Variants in CFAP20DC observed in about 807,000 individuals in gnomAD.
The protein encoded by CFAP20DC is CFAP20 domain containing, also known as protein CFAP20DC.
CFAP20DC carries 84 observed loss-of-function variants against 101.7 expected under a neutral mutation model. That is an observed-to-expected ratio of 0.83 (90% confidence interval 0.69 to 0.99). CFAP20DC has a LOEUF of 0.99. Ranked by LOEUF, CFAP20DC falls within the 50% of genes least tolerant of loss-of-function variation. The probability of loss-of-function intolerance (pLI) is 0.00; values close to 1 mark genes in which losing one functional copy is unlikely to be tolerated. For synonymous variants in CFAP20DC, 359 were observed against 351.2 expected, an observed-to-expected ratio of 1.02 and a Z score of -0.25; for missense variants, 1,007 against 970.3, an observed-to-expected ratio of 1.04 and a Z score of -0.50.
intron 4 of CFAP20DC, among the ~76,000 whole-genome samples, chr3:59,029,236 G>C (rs2093946106): frequency 6.6e-6 from 1 of 152,068 alleles, no homozygotes; most frequent in Non-Finnish European, 1.5e-5. Flanking sequence ...GGGATATCAA[G>C]CTGAATAGAA....
chr3:58,942,800 A>G (rs930601531), intron 4 of CFAP20DC, among the ~76,000 whole-genome samples: 2 of 152,186 alleles, frequency 1.3e-5, no homozygotes, highest in Admixed American at 6.5e-5. Context: ...ACCCCCATGG[A>G]GGCCAGCAAG....
chr3:58,852,276 T>A (rs959529477), intron 12 of CFAP20DC, among the ~76,000 whole-genome samples: 4 of 152,044 alleles, frequency 2.6e-5, no homozygotes, highest in African/African-American at 9.7e-5. Context: ...CAGGTGATAG[T>A]TAGAAGAGCT....
chr3:58,907,885 T>A (rs1559803850), intron 6 of CFAP20DC, among the ~76,000 whole-genome samples: 1 of 152,188 alleles, frequency 6.6e-6, no homozygotes, highest in East Asian at 1.9e-4. Context: ...CCTTGAACCA[T>A]AGTGTGCTTC....
intron 13 of CFAP20DC, among the ~76,000 whole-genome samples, chr3:58,846,045 A>G (rs2077608037): frequency 6.7e-6 from 1 of 149,504 alleles, no homozygotes; most frequent in African/African-American, 2.5e-5. Flanking sequence ...TGACAAACCC[A>G]CAGCCAATAT....
intron 3 of CFAP20DC, chr3:58,734,393 T>C: frequency 2.7e-6 from 1 of 364,916 alleles, no homozygotes; most frequent in South Asian, 2.1e-5. Flanking sequence ...TCACCAGAGT[T>C]CCAAACCTGA....
intron 4 of CFAP20DC, among the ~76,000 whole-genome samples, chr3:59,016,678 A>G (rs1357656999): frequency 6.6e-6 from 1 of 152,106 alleles, no homozygotes; most frequent in East Asian, 1.9e-4. Context: ...TTAACTAAAA[A>G]GGTTTAAAAA....
rs763322643 is a variant in CFAP20DC at position 59,039,562 on chromosome 3, T to G, written c.273A>C (p.Glu91Asp). The G allele has an allele frequency of 2.6e-6, 4 of 1,515,912 alleles. No homozygotes were observed. The South Asian group carries it at 4.8e-5, about 18-fold the overall frequency. The allele number at this position is 1,515,912 out of a possible 1,614,324, so 93.9% of individuals were successfully genotyped here. The change falls in exon 4 of 17, where the codon GAA becomes GAC. Residue 91 changes from glutamate (E) to aspartate (D), a missense_variant. Glu to Asp is a conservative substitution (Grantham distance 45). Coordinates refer to ENST00000482387, the MANE Select transcript of CFAP20DC (RefSeq NM_001394063.1). ...AGAAGTTCTGTATATCTTACAGCAA[T>G]TCAGTGGAGAAGTCTTGTCCCAGGG... is the stretch of plus-strand genomic sequence containing the variant. Reference protein sequence around the residue: ...YVPLGQDFSTELLITDLGNIK... With the variant: ...YVPLGQDFSTDLLITDLGNIK...
At chr3:58,763,286 T>G (rs1317733819) in intron 15 of CFAP20DC, among the ~76,000 whole-genome samples, 1 of 152,238 alleles carries the variant, frequency 6.6e-6, no homozygotes, top group Non-Finnish European at 1.5e-5. Context: ...ATTTCATTCA[T>G]TTGATCTTCC....
chr3:59,040,355 A>G (rs1699251525), intron 3 of CFAP20DC, among the ~76,000 whole-genome samples: 2 of 152,044 alleles, frequency 1.3e-5, no homozygotes, highest in Admixed American at 1.3e-4. Context: ...AATTGATTTT[A>G]TATTACCTCT....
At chr3:58,745,394 TGAG>T (rs2068121700) in intron 16 of CFAP20DC, among the ~76,000 whole-genome samples, 1 of 152,160 alleles carries the variant, frequency 6.6e-6, no homozygotes, top group Admixed American at 6.6e-5. Context: ...TAAAGATTAA[TGAG>T]GAGTTAAACT....
At position 58,820,189 on chromosome 3, in the gene CFAP20DC, C is replaced by G. The variant is rs1162546040; in HGVS notation, c.2175+11497G>C. ...TGACAAACCCACAGCCAATATCATACTGAATGGGAAAAAACTGGAAGCATT... is the reference window on the plus strand; with the variant it reads ...TGACAAACCCACAGCCAATATCATAGTGAATGGGAAAAAACTGGAAGCATT... On this transcript the variant is annotated intron_variant, in intron 14 of 16. Transcript: ENST00000482387. Among the ~76,000 whole-genome samples the G allele has an allele frequency of 4.6e-5, 7 of 151,532 alleles. No homozygotes were observed. In the East Asian group the frequency reaches 7.8e-4, roughly 17 times the overall value.
intron 13 of CFAP20DC, among the ~76,000 whole-genome samples, chr3:58,834,880 A>T (rs2076633808): frequency 6.6e-6 from 1 of 152,194 alleles, no homozygotes; most frequent in Non-Finnish European, 1.5e-5. Flanking sequence ...ACATTTTAAA[A>T]TAGTATGTAG....
At chr3:58,765,490 C>CAAAAAAAAAAAAAAAAAAA (rs1337049385) in intron 15 of CFAP20DC, among the ~76,000 whole-genome samples, 19 of 81,708 alleles carry the variant, frequency 2.3e-4, no homozygotes, top group Non-Finnish European at 3.5e-4. Context: ...AAAAAAAAAC[C>CAAAAAAAAAAAAAAAAAAA]AAAAAAAAAA....
At chr3:58,944,557 A>G (rs2089082719) in intron 4 of CFAP20DC, among the ~76,000 whole-genome samples, 1 of 152,220 alleles carries the variant, frequency 6.6e-6, no homozygotes, top group African/African-American at 2.4e-5. Context: ...CTGTTTACCA[A>G]GAGACTAGTA....
chr3:58,821,480 C>T (rs1395527143), intron 14 of CFAP20DC, among the ~76,000 whole-genome samples: 57 of 152,012 alleles, frequency 3.7e-4, no homozygotes, highest in East Asian at 5.8e-4. Context: ...AAAAAGTGGG[C>T]AAAGGACATG....
At position 58,912,787 on chromosome 3, in the gene CFAP20DC, A is replaced by G. The variant is rs139482495; in HGVS notation, c.550+921T>C. The G allele has an allele frequency of 7.6e-4, 343 of 451,284 alleles. 4 individuals are homozygous for G. In the East Asian group the frequency reaches 0.016, roughly 21 times the overall value. 28.0% of individuals were successfully genotyped at this position (451,284 alleles called of 1,614,324 possible). A position where few individuals can be genotyped will look rare whatever the true frequency, so the allele number is the denominator to read the frequency against. On this transcript the variant is annotated intron_variant, in intron 6 of 16. Transcript: ENST00000482387. This position sits in a 1 kb window ranked among gnomAD's most constrained non-coding sequence, Gnocchi z 4.4. ...ATCAAATTATGAACAATTAATGTAA[A>G]TATTTCTAGTCTCTCTAGAAATATG...
At chr3:59,020,894 G>A (rs1238779009) in intron 4 of CFAP20DC, among the ~76,000 whole-genome samples, 1 of 152,066 alleles carries the variant, frequency 6.6e-6, no homozygotes, top group East Asian at 1.9e-4. Flanking sequence ...CATCCTACCT[G>A]TAGCTCTCAG....
intron 5 of CFAP20DC, among the ~76,000 whole-genome samples, chr3:58,931,695 G>A (rs892939591): frequency 1.9e-4 from 28 of 151,306 alleles, no homozygotes; most frequent in Admixed American, 9.9e-4. Flanking sequence ...AAACTCCAAC[G>A]GACCTGCAGC....
intron 14 of CFAP20DC, among the ~76,000 whole-genome samples, chr3:58,821,315 G>GCTT (rs2075625372): frequency 6.6e-6 from 1 of 152,082 alleles, no homozygotes; most frequent in African/African-American, 2.4e-5. Context: ...AAACTAAAGA[G>GCTT]CTTCTGCACA....
Sources: gnomAD v4.1 joint callset for allele counts (sites outside exome capture counted in the v4.1 genomes callset) on GRCh38, gnomAD v4.1.1 for gene constraint, Gnocchi (gnomAD v3.1) non-coding constraint, MANE v1.5 for transcripts, NCBI Gene and HGNC (gene_info 2026-07-23, HGNC 2026-07-21) for gene names.